ZNF366: variants seen among roughly 807,000 people sequenced by gnomAD.
The protein encoded by ZNF366 is dendritic cell-specific transcript protein.
In ZNF366, 20 loss-of-function variants were observed where a neutral mutation model predicts 47.2. The observed-to-expected ratio is 0.42, with a 90% CI of 0.30 to 0.62. The LOEUF (loss-of-function observed/expected upper bound fraction) is 0.62, where lower values mean the gene tolerates loss of function less well. ZNF366 is among the 20% of genes least tolerant of loss of function. The pLI, the probability that ZNF366 is intolerant of heterozygous loss-of-function variation, is 0.16. For missense variants in ZNF366, 987 were observed against 976.3 expected (o/e 1.01, Z -0.15); for synonymous variants, 421 against 395.1 (o/e 1.07, Z -0.78).
intron 1 of ZNF366, among the ~76,000 whole-genome samples, chr5:72,467,961 A>G (rs1743469444): frequency 1.3e-5 from 2 of 152,184 alleles, no homozygotes; most frequent in Non-Finnish European, 2.9e-5. Context: ...GCAGAGGAGG[A>G]TAGACATGAA....
intron 2 of ZNF366, among the ~76,000 whole-genome samples, chr5:72,458,808 C>T (rs1374601235): frequency 1.3e-5 from 2 of 152,208 alleles, no homozygotes; most frequent in African/African-American, 4.8e-5. Context: ...GCTGACACCT[C>T]TCATTAAAGT....
chr5:72,476,160 G>A (rs1172369539), intron 1 of ZNF366, among the ~76,000 whole-genome samples: 2 of 151,834 alleles, frequency 1.3e-5, no homozygotes, highest in Non-Finnish European at 2.9e-5. Flanking sequence ...CCTGGCCTGT[G>A]TTCACTGTTG....
At chr5:72,481,220 T>C (rs1381938167) in intron 1 of ZNF366, among the ~76,000 whole-genome samples, 1 of 152,208 alleles carries the variant, frequency 6.6e-6, no homozygotes, top group Non-Finnish European at 1.5e-5. Flanking sequence ...AATGTGTTGG[T>C]ACCCGAATTA....
At chr5:72,466,330 A>G (rs569823302) in intron 1 of ZNF366, among the ~76,000 whole-genome samples, 2 of 152,320 alleles carry the variant, frequency 1.3e-5, no homozygotes, top group South Asian at 2.1e-4. Context: ...GCTTATATTA[A>G]TAACAGTCTG....
Position 72,460,301 on chromosome 5 carries a change from T to C in ZNF366, c.1196A>G (p.Asp399Gly), listed in dbSNP as rs758789953. ...GPIQYNCSECDKTFQYPSQLQ... is the reference protein window; with the variant it reads ...GPIQYNCSECGKTFQYPSQLQ... ...CTGGCTCGGGTACTGGAAGGTCTTG[T>C]CGCACTCGGAGCAGTTGTACTGGAT... The change falls in exon 2 of 5, where the codon GAC (aspartate) becomes GGC (glycine). Residue 399 changes from aspartate (D) to glycine (G), a missense_variant. By Grantham distance (94) the Asp-to-Gly change is moderately conservative. Around this residue, in one of 3 missense-constraint regions of ZNF366, gnomAD observed 591 missense variants for 560.9 expected, o/e 1.05. Transcript: ENST00000318442. 6.8e-6 allele frequency: 11 copies of C among 1,614,090 alleles called. No individual in the cohort carries two copies. In the African/African-American group the frequency reaches 8.0e-5, roughly 12 times the overall value.
At chr5:72,471,599 G>A (rs1580243737) in intron 1 of ZNF366, among the ~76,000 whole-genome samples, 1 of 152,154 alleles carries the variant, frequency 6.6e-6, no homozygotes, top group Non-Finnish European at 1.5e-5. Flanking sequence ...TCTATGGGTG[G>A]GTGCCTCTGC....
Position 72,460,987 on chromosome 5 carries a change from C to T in ZNF366, c.510G>A (p.Leu170=). ...TGGGGTAGTAGGGGTAGGGCGTGGG[C>T]AGGAATGGAGTGGGCGTTGGCTGGG... ...VWPQPTPTPF[L]PTPYPYYPKV... The change falls in exon 2 of 5, where the codon CTG becomes CTA. Residue 170 remains leucine, a synonymous_variant. Transcript: ENST00000318442. 6.2e-7 allele frequency: 1 copy of T among 1,613,840 alleles called. No individual in the cohort carries two copies. Among genetic ancestry groups the T allele is most frequent in the Non-Finnish European group, 8.5e-7 (1 of 1,179,942 alleles).
At chr5:72,493,290 CAT>C (rs1391324092) in intron 1 of ZNF366, among the ~76,000 whole-genome samples, 1 of 152,234 alleles carries the variant, frequency 6.6e-6, no homozygotes, top group Non-Finnish European at 1.5e-5. Flanking sequence ...GGCATTAACT[CAT>C]GTGATCATCA....
chr5:72,450,911 CTTGGGTGGAG>C (rs1367251257), intron 3 of ZNF366, among the ~76,000 whole-genome samples: 1 of 152,186 alleles, frequency 6.6e-6, no homozygotes, highest in East Asian at 1.9e-4. Context: ...TCACAGTGCT[CTTGGGTGGAG>C]CCTGAGATGT....
intron 1 of ZNF366, among the ~76,000 whole-genome samples, chr5:72,468,330 T>C (rs1468711878): frequency 6.6e-6 from 1 of 152,150 alleles, no homozygotes; most frequent in African/African-American, 2.4e-5. Flanking sequence ...CTGGCCCCCA[T>C]TTAATTTATA....
chr5:72,484,495 AAATAAT>A (rs60726077), intron 1 of ZNF366, among the ~76,000 whole-genome samples: 6 of 145,838 alleles, frequency 4.1e-5, no homozygotes, highest in East Asian at 2.0e-4. Context: ...AAAAAAAAAA[AAATAAT>A]AATAATAATA....
intron 1 of ZNF366, among the ~76,000 whole-genome samples, chr5:72,467,047 G>T (rs1463216822): frequency 1.3e-5 from 2 of 152,182 alleles, no homozygotes; most frequent in African/African-American, 2.4e-5. Flanking sequence ...ACCAAGAATG[G>T]GTAGTCACCC....
chr5:72,482,685 C>T (rs1447307470), intron 1 of ZNF366, among the ~76,000 whole-genome samples: 1 of 151,462 alleles, frequency 6.6e-6, no homozygotes. Context: ...GAGCTGTTGC[C>T]TTGTCTTCCT....
At chr5:72,478,866 C>G (rs966067709) in intron 1 of ZNF366, among the ~76,000 whole-genome samples, 1 of 152,142 alleles carries the variant, frequency 6.6e-6, no homozygotes, top group Admixed American at 6.5e-5. Flanking sequence ...TCTAAAAATC[C>G]CCTGAAATCA....
intron 4 of ZNF366, among the ~76,000 whole-genome samples, chr5:72,446,090 C>G (rs1283570614): frequency 1.3e-5 from 2 of 152,224 alleles, no homozygotes. Flanking sequence ...AGCACATAAA[C>G]AAATCACCCC....
intron 1 of ZNF366, among the ~76,000 whole-genome samples, chr5:72,467,297 T>G (rs923447972): frequency 3.9e-5 from 6 of 152,202 alleles, no homozygotes; most frequent in Non-Finnish European, 8.8e-5. Flanking sequence ...GGGGCTCAGA[T>G]AGCTTCCTTA....
rs753397394 is a variant in ZNF366, at chr5:72,444,082, G to C, written c.1909C>G (p.Pro637Ala). The change falls in exon 5 of 5, where the codon CCC becomes GCC. Residue 637 changes from proline (P) to alanine (A), a missense_variant. Transcript: ENST00000318442. ...GGTGTGCAGAGCTGCTGGCTCTGGG[G>C]GGCCAGGCCAGGGCTGTAGGGCTCC... ...EVEPYSPGLA[P>A]QSQQLCTPED... 1 of 1,614,142 alleles carries C rather than the reference G, an allele frequency of 6.2e-7. No individual in the cohort carries two copies. The highest frequency in any genetic ancestry group is 8.5e-7 in the Non-Finnish European group (1 of 1,180,026).
chr5:72,465,721 C>T (rs1011530821), intron 1 of ZNF366, among the ~76,000 whole-genome samples: 8 of 152,068 alleles, frequency 5.3e-5, no homozygotes, highest in Non-Finnish European at 8.8e-5. Context: ...CAGTTCCCCA[C>T]CAGAAAGAGT....
chr5:72,502,173 G>A lies in ZNF366; in HGVS notation c.-15+5078C>T, dbSNP rs186175656. Among the ~76,000 whole-genome samples, 865 of 152,142 alleles carry A rather than the reference G, an allele frequency of 5.7e-3. 5 individuals are homozygous for A. The highest frequency in any genetic ancestry group is 0.02 in the African/African-American group (828 of 41,478). ...CATCTATGACAGGCTCTGTGCTATT[G>A]TAGGCCCTGGGCAGACAGCAGTGGA... On this transcript the variant is annotated intron_variant, in intron 1 of 4. Coordinates refer to ENST00000318442, the MANE Select transcript of ZNF366 (RefSeq NM_152625.3).
Sources: allele counts gnomAD v4.1 joint callset (sites outside exome capture counted in the v4.1 genomes callset), GRCh38; gene constraint gnomAD v4.1.1; regional missense constraint gnomAD v4.1.1; transcripts MANE v1.5; gene names NCBI Gene and HGNC (gene_info 2026-07-23, HGNC 2026-07-21).